The following SORCS1 variants were observed in gnomAD, a reference collection of about 807,000 sequenced individuals.
The protein encoded by SORCS1 is VPS10 domain-containing receptor SorCS1.
SORCS1 carries 60 observed loss-of-function variants against 146.1 expected under a neutral mutation model. The ratio of observed to expected loss-of-function variants is 0.41; its 90% CI spans 0.33 to 0.51. SORCS1 has a LOEUF of 0.51. SORCS1 is among the 20% of genes least tolerant of loss of function. SORCS1 has a pLI of 0.21. For synonymous variants in SORCS1, 637 were observed against 584.0 expected (o/e 1.09, Z -1.31); for missense variants, 1,352 against 1,487.6 (o/e 0.91, Z 1.50).
intron 1 of SORCS1, among the ~76,000 whole-genome samples, chr10:106,976,104 C>A (rs1460888735): frequency 7.1e-6 from 1 of 141,658 alleles, no homozygotes; most frequent in Non-Finnish European, 1.5e-5. Context: ...CGAGATCATG[C>A]GATAGTACTC....
At chr10:107,135,829 T>C (rs898836732) in intron 1 of SORCS1, among the ~76,000 whole-genome samples, 1 of 152,224 alleles carries the variant, frequency 6.6e-6, no homozygotes, top group Non-Finnish European at 1.5e-5. Flanking sequence ...TTTTTTAAAG[T>C]ATTATTAAAA....
chr10:106,579,185 T>A (rs760283696), intron 25 of SORCS1, 184 bp downstream of exon 25: 16 of 1,614,012 alleles, frequency 9.9e-6, no homozygotes, highest in Non-Finnish European at 1.4e-5. Context: ...AGTGACTGAC[T>A]GGACTGATCA....
Position 106,709,798 on chromosome 10 carries a change from T to C in SORCS1, c.1025-457A>G, listed in dbSNP as rs192501741. 2.5e-3 allele frequency among the ~76,000 whole-genome samples: 376 copies of C among 152,286 alleles called. 5 individuals are homozygous for C. The highest frequency in any genetic ancestry group is 8.6e-3 in the African/African-American group (358 of 41,556). On this transcript the variant is annotated intron_variant, in intron 6 of 25. Coordinates refer to ENST00000263054, the MANE Select transcript of SORCS1 (RefSeq NM_052918.5). The stretch of plus-strand genomic sequence containing the variant: ...CTCACAGTCTTTGTTAAATACGTTA[T>C]TGTCATTGTTATTATTATTTAAATT...
Position 106,823,035 on chromosome 10 carries a change from G to C in SORCS1, c.726+6539C>G, listed in dbSNP as rs541399554. 8.6e-5 allele frequency among the ~76,000 whole-genome samples: 13 copies of C among 151,930 alleles called. No individual in the cohort carries two copies. In the South Asian group the frequency reaches 2.7e-3, roughly 32 times the overall value. The stretch of plus-strand genomic sequence containing the variant: ...CGACCTCAGGTGATCCACCCACCTC[G>C]GCCTCTCAAAGTGGTGGGATTACAG... On this transcript the variant is annotated intron_variant, in intron 3 of 25. Transcript: ENST00000263054.
At chr10:107,098,386 G>T (rs943561195) in intron 1 of SORCS1, among the ~76,000 whole-genome samples, 1 of 152,204 alleles carries the variant, frequency 6.6e-6, no homozygotes, top group Non-Finnish European at 1.5e-5. Context: ...TACTGAAGAA[G>T]TAGTCAGTTG....
intron 1 of SORCS1, among the ~76,000 whole-genome samples, chr10:107,163,042 G>A (rs1336968086): frequency 2.0e-5 from 3 of 152,154 alleles, no homozygotes; most frequent in Non-Finnish European, 4.4e-5. Flanking sequence ...ATTTAAACAG[G>A]AATAGCTCCC....
chr10:106,915,697 C>A (rs1296006136), intron 2 of SORCS1, among the ~76,000 whole-genome samples: 2 of 152,192 alleles, frequency 1.3e-5, no homozygotes, highest in East Asian at 3.8e-4. Context: ...TGAAAAAAAG[C>A]TGAAAACTGA....
intron 24 of SORCS1, among the ~76,000 whole-genome samples, chr10:106,587,163 AT>A (rs1845292372): frequency 6.6e-6 from 1 of 152,218 alleles, no homozygotes; most frequent in Non-Finnish European, 1.5e-5. Context: ...AAGATAAAAA[AT>A]ATATTTATTT....
intron 1 of SORCS1, among the ~76,000 whole-genome samples, chr10:107,035,016 G>A (rs1223159804): frequency 6.6e-6 from 1 of 151,894 alleles, no homozygotes; most frequent in Non-Finnish European, 1.5e-5. Context: ...GGAATGACTT[G>A]GCTATTCTGT....
chr10:107,098,125 A>T (rs1273765148), intron 1 of SORCS1, among the ~76,000 whole-genome samples: 1 of 152,192 alleles, frequency 6.6e-6, no homozygotes, highest in Non-Finnish European at 1.5e-5. Context: ...AATTTTTGTA[A>T]TATCTAGTTT....
intron 1 of SORCS1, among the ~76,000 whole-genome samples, chr10:106,965,950 A>AT (rs1257468193): frequency 1.3e-5 from 2 of 152,176 alleles, no homozygotes; most frequent in Admixed American, 1.3e-4. Flanking sequence ...AGTCAATGGC[A>AT]TTTTGTGGTC....
intron 1 of SORCS1, among the ~76,000 whole-genome samples, chr10:107,108,330 G>A (rs961808673): frequency 1.7e-4 from 26 of 152,194 alleles, no homozygotes; most frequent in Admixed American, 1.2e-3. Context: ...AGGCTTTACA[G>A]AAAGCATGGT....
At chr10:106,591,571 A>G (rs913646080) in intron 24 of SORCS1, among the ~76,000 whole-genome samples, 4 of 152,218 alleles carry the variant, frequency 2.6e-5, no homozygotes, top group African/African-American at 9.6e-5. Flanking sequence ...TCATAAAAAC[A>G]ATATTTGTTA....
At chr10:106,859,329 A>C (rs1949920315) in intron 2 of SORCS1, among the ~76,000 whole-genome samples, 1 of 152,186 alleles carries the variant, frequency 6.6e-6, no homozygotes, top group South Asian at 2.1e-4. Context: ...ATAGACAATA[A>C]TTTATCCTTT....
intron 1 of SORCS1, among the ~76,000 whole-genome samples, chr10:107,092,648 A>C (rs1239908740): frequency 1.3e-5 from 2 of 152,190 alleles, no homozygotes; most frequent in African/African-American, 2.4e-5. Flanking sequence ...AGGCTTAAGA[A>C]CTAAGCAACC....
chr10:106,598,170 A>T (rs919991250), intron 23 of SORCS1, among the ~76,000 whole-genome samples: 2 of 151,554 alleles, frequency 1.3e-5, no homozygotes, highest in African/African-American at 4.8e-5. Flanking sequence ...ACCTAGCTCC[A>T]TTTGCTGTGT....
At chr10:106,802,789 G>A (rs1410713815) in intron 3 of SORCS1, among the ~76,000 whole-genome samples, 3 of 150,674 alleles carry the variant, frequency 2.0e-5, no homozygotes, top group Middle Eastern at 3.4e-3. Context: ...GTGAGCCACC[G>A]TGCCCAGCCT....
intron 2 of SORCS1, among the ~76,000 whole-genome samples, chr10:106,936,726 T>C (rs1953740873): frequency 6.6e-6 from 1 of 152,190 alleles, no homozygotes; most frequent in African/African-American, 2.4e-5. Context: ...CTGAGAAAAG[T>C]TGTATCTTCA....
intron 2 of SORCS1, among the ~76,000 whole-genome samples, chr10:106,899,304 A>G (rs763529531): frequency 6.6e-6 from 1 of 152,238 alleles, no homozygotes; most frequent in Non-Finnish European, 1.5e-5. Flanking sequence ...AACATTCTCT[A>G]TGTAGACTGA....
Sources: gnomAD v4.1 joint callset for allele counts (sites outside exome capture counted in the v4.1 genomes callset) on GRCh38, gnomAD v4.1.1 for gene constraint, MANE v1.5 for transcripts, NCBI Gene and HGNC (gene_info 2026-07-23, HGNC 2026-07-21) for gene names.